The following KIAA1958 variants were observed in gnomAD, a reference collection of about 807,000 sequenced individuals.
KIAA1958 encodes KIAA1958.
A neutral mutation model predicts 47.2 loss-of-function variants in KIAA1958; 14 were observed. That is an observed-to-expected ratio of 0.30 (90% CI 0.20 to 0.46). KIAA1958 has a LOEUF of 0.46. Ranked by LOEUF, KIAA1958 falls within the 20% of genes least tolerant of loss-of-function variation. KIAA1958 has a pLI of 1.00. For missense variants in KIAA1958, 803 were observed against 909.2 expected (o/e 0.88, Z 1.50); for synonymous variants, 354 against 353.3 (o/e 1.00, Z -0.02).
At position 112,524,436 on chromosome 9, in the gene KIAA1958, A is replaced by C. The variant is rs1250204576; in HGVS notation, c.-25+37318A>C. ...GGAAAATATGGAGCGACTGTGACTG[A>C]GAAAGCGGCCTTAAAAAAATTGTAG... On this transcript the variant is annotated intron_variant, in intron 1 of 3. Transcript: ENST00000337530. Among the ~76,000 whole-genome samples, 5 of 152,266 alleles carry C rather than the reference A, an allele frequency of 3.3e-5. No homozygotes were observed. The East Asian group carries it at 9.6e-4, about 29-fold the overall frequency.
intron 1 of KIAA1958, among the ~76,000 whole-genome samples, chr9:112,519,925 A>G (rs1488743394): frequency 6.6e-6 from 1 of 152,200 alleles, no homozygotes; most frequent in African/African-American, 2.4e-5. Flanking sequence ...TAAATACATC[A>G]GCTTGTCTCT....
chr9:112,591,812 A>G (rs140073346), intron 2 of KIAA1958, among the ~76,000 whole-genome samples: 9 of 152,300 alleles, frequency 5.9e-5, no homozygotes, highest in African/African-American at 1.9e-4. Context: ...AATGTTATAT[A>G]TAAAGTTACG....
chr9:112,660,018 C>T lies in KIAA1958; in HGVS notation c.2100C>T (p.Val700=). 6.2e-7 allele frequency: 1 copy of T among 1,614,102 alleles called. No individual in the cohort carries two copies. The highest frequency in any genetic ancestry group is 1.1e-5 in the South Asian group (1 of 91,072). The stretch of plus-strand genomic sequence containing the variant: ...AAAACTGTGAGAACTTCACCTTTGT[C>T]TCGTTCACTCAGGTCTCCCGGAGGC... ...KLENCENFTF[V]SFTQVSRRLG... Residue 700 remains valine, a synonymous_variant, in exon 4 of 4, where the codon GTC becomes GTT. Transcript: ENST00000337530.
rs1837290531 is a variant in KIAA1958, at chr9:112,662,366, T to A, written c.*2297T>A. On this transcript the variant is annotated 3_prime_UTR_variant, in exon 4 of 4. Transcript: ENST00000337530. ...AACACAGTCATCAAGTGCCAGCGTG[T>A]GCCACCCATTGTACTAGGTACTTTA... is the stretch of plus-strand genomic sequence containing the variant. 1 of 152,282 alleles carries A rather than the reference T, an allele frequency of 6.6e-6. No homozygotes were observed. Among genetic ancestry groups the A allele is most frequent in the Non-Finnish European group, 1.5e-5 (1 of 68,046 alleles). The allele number at this position is 152,282 out of a possible 1,614,324, so 9.4% of individuals were successfully genotyped here.
chr9:112,526,251 T>C (rs1237662381), intron 1 of KIAA1958, among the ~76,000 whole-genome samples: 2 of 25,044 alleles, frequency 8.0e-5, no homozygotes, highest in East Asian at 6.8e-4. Flanking sequence ...ACCTTGAAAC[T>C]GGGTAATTTT....
intron 1 of KIAA1958, among the ~76,000 whole-genome samples, chr9:112,490,527 C>T (rs1222595739): frequency 1.3e-5 from 2 of 152,160 alleles, no homozygotes; most frequent in Non-Finnish European, 2.9e-5. Context: ...GTAACAAATG[C>T]ACTGCATAGA....
At chr9:112,605,160 G>A (rs1836207839) in intron 2 of KIAA1958, among the ~76,000 whole-genome samples, 1 of 151,714 alleles carries the variant, frequency 6.6e-6, no homozygotes, top group Admixed American at 6.6e-5. Flanking sequence ...CCTGGAGGAG[G>A]TCACAGCCTA....
Position 112,645,785 on chromosome 9 carries a change from T to C in KIAA1958, c.1307T>C (p.Met436Thr). The part of the protein sequence containing the change: ...YALNVWRYWC[M>T]TNGLKDHTDI... The stretch of plus-strand genomic sequence containing the variant: ...TTGAATGTGTGGCGTTATTGGTGCA[T>C]GACCAACGGGCTCAAAGACCACACA... Residue 436 changes from methionine (M) to threonine (T), a missense_variant, in exon 3 of 4, where the codon ATG (methionine) becomes ACG (threonine). This residue lies in a region of KIAA1958 where 761 missense variants were observed against 829.3 expected (regional missense o/e 0.92). Transcript: ENST00000337530. The C allele has an allele frequency of 6.2e-7, 1 of 1,613,980 alleles. No homozygotes were observed. Among genetic ancestry groups the C allele is most frequent in the Non-Finnish European group, 8.5e-7 (1 of 1,179,980 alleles).
chr9:112,497,864 A>G (rs1834070869), intron 1 of KIAA1958, among the ~76,000 whole-genome samples: 2 of 152,156 alleles, frequency 1.3e-5, no homozygotes, highest in African/African-American at 4.8e-5. Context: ...AAAACTCAGC[A>G]TCTATTGTCT....
rs985057370 is a variant in KIAA1958 at position 112,666,022 on chromosome 9, C to T, written c.*5953C>T. The T allele has an allele frequency of 5.3e-5, 8 of 150,912 alleles. No homozygotes were observed. The highest frequency in any genetic ancestry group is 7.4e-5 in the Non-Finnish European group (5 of 67,912). The allele number at this position is 150,912 out of a possible 1,614,324, so 9.3% of individuals were successfully genotyped here. On this transcript the variant is annotated 3_prime_UTR_variant, in exon 4 of 4. Transcript: ENST00000337530. ...TTTTTTGAGACTCAGGAGTCTCACT[C>T]TGTTGCCCAGGCTGGAGTGCAGTGG...
chr9:112,601,314 A>G (rs1836127968), intron 2 of KIAA1958, among the ~76,000 whole-genome samples: 2 of 152,184 alleles, frequency 1.3e-5, no homozygotes, highest in South Asian at 2.1e-4. Context: ...TCATTTAAAT[A>G]AACATTATTT....
rs115604171 is a variant in KIAA1958, at chr9:112,521,464, T to C, written c.-25+34346T>C. Among the ~76,000 whole-genome samples, 812 of 152,312 alleles carry C rather than the reference T, an allele frequency of 5.3e-3. 4 individuals carry two copies. Among genetic ancestry groups the C allele is most frequent in the African/African-American group, 0.018 (768 of 41,572 alleles). On this transcript the variant is annotated intron_variant, in intron 1 of 3. Transcript: ENST00000337530. ...CCTGAATTCAAGTGACCCTCCCACG[T>C]TGGCCTCCCAAAGAGCTAGAATTAC... is the stretch of plus-strand genomic sequence containing the variant.
intron 2 of KIAA1958, among the ~76,000 whole-genome samples, chr9:112,607,866 C>G (rs896125615): frequency 1.3e-5 from 2 of 151,906 alleles, no homozygotes; most frequent in South Asian, 2.1e-4. Context: ...AACAATGCCA[C>G]TAATGTTCGG....
intron 1 of KIAA1958, among the ~76,000 whole-genome samples, chr9:112,569,338 A>G (rs1431663562): frequency 2.0e-5 from 3 of 152,226 alleles, no homozygotes; most frequent in Non-Finnish European, 2.9e-5. Context: ...CAGCAACACC[A>G]TTGCATTAAG....
At chr9:112,560,191 T>TC (rs2131158117) in intron 1 of KIAA1958, among the ~76,000 whole-genome samples, 2 of 133,108 alleles carry the variant, frequency 1.5e-5, no homozygotes, top group East Asian at 4.5e-4. Context: ...GCTTTTTTTT[T>TC]CTTTTTCTTT....
intron 2 of KIAA1958, among the ~76,000 whole-genome samples, chr9:112,609,197 ACT>A (rs1181938721): frequency 9.9e-5 from 15 of 152,124 alleles, no homozygotes; most frequent in African/African-American, 1.4e-4. Context: ...CTCTGTAGAG[ACT>A]CTCAGATTAG....
chr9:112,635,248 G>GTGTGTGTC (rs1311979968), intron 2 of KIAA1958, among the ~76,000 whole-genome samples: 4 of 149,442 alleles, frequency 2.7e-5, no homozygotes, highest in African/African-American at 1.0e-4. Context: ...GTGTGTGTGT[G>GTGTGTGTC]TGTGTGTGTG....
chr9:112,647,316 C>T (rs1433464040), intron 3 of KIAA1958, among the ~76,000 whole-genome samples: 1 of 152,004 alleles, frequency 6.6e-6, no homozygotes, highest in African/African-American at 2.4e-5. Context: ...CTGAAAGGGT[C>T]CTAAAGTGGT....
At chr9:112,602,718 G>A (rs377151171) in intron 2 of KIAA1958, among the ~76,000 whole-genome samples, 1 of 152,036 alleles carries the variant, frequency 6.6e-6, no homozygotes, top group African/African-American at 2.4e-5. Context: ...AGCTTCCAGC[G>A]GCCTCATAAG....
Sources: allele counts gnomAD v4.1 joint callset (sites outside exome capture counted in the v4.1 genomes callset), GRCh38; gene constraint gnomAD v4.1.1; regional missense constraint gnomAD v4.1.1; transcripts MANE v1.5; gene names NCBI Gene and HGNC (gene_info 2026-07-23, HGNC 2026-07-21).